The following PTPRT variants were observed in gnomAD, a reference collection of about 807,000 sequenced individuals.
PTPRT encodes protein tyrosine phosphatase receptor type T, also known as receptor-type tyrosine-protein phosphatase T.
PTPRT carries 56 observed loss-of-function variants against 176.8 expected under a neutral mutation model. That is an observed-to-expected ratio of 0.32 (90% CI 0.26 to 0.40). The LOEUF is 0.40. Ranked by LOEUF, PTPRT falls within the 10% of genes least tolerant of loss-of-function variation. The pLI is 1.00. For missense variants in PTPRT, 1,540 were observed against 1,908.2 expected, an observed-to-expected ratio of 0.81 and a Z score of 3.60; for synonymous variants, 783 against 739.0, an observed-to-expected ratio of 1.06 and a Z score of -0.96.
intron 9 of PTPRT, among the ~76,000 whole-genome samples, chr20:42,370,680 A>G (rs758787107): frequency 6.6e-6 from 1 of 152,200 alleles, no homozygotes; most frequent in Admixed American, 6.5e-5. Context: ...TAAAGCCCCT[A>G]TAACAGTGCC....
At chr20:42,304,667 T>C (rs2057517634) in intron 12 of PTPRT, among the ~76,000 whole-genome samples, 1 of 152,198 alleles carries the variant, frequency 6.6e-6, no homozygotes, top group Non-Finnish European at 1.5e-5. Flanking sequence ...ATAGCATTAA[T>C]GCCATTTTAT....
chr20:42,421,944 G>A (rs1409978381), intron 9 of PTPRT, among the ~76,000 whole-genome samples: 2 of 152,082 alleles, frequency 1.3e-5, no homozygotes, highest in Non-Finnish European at 2.9e-5. Context: ...CAAAAACCAA[G>A]CAATGTGAAA....
intron 22 of PTPRT, among the ~76,000 whole-genome samples, chr20:42,111,777 C>T (rs1987009815): frequency 6.6e-6 from 1 of 152,146 alleles, no homozygotes; most frequent in Non-Finnish European, 1.5e-5. Context: ...GTAAAGGGAC[C>T]ATGTGAACCC....
At chr20:42,937,723 A>C (rs1279576252) in intron 1 of PTPRT, among the ~76,000 whole-genome samples, 2 of 152,348 alleles carry the variant, frequency 1.3e-5, no homozygotes, top group East Asian at 3.9e-4. Context: ...TACTCTGTGA[A>C]TCACACTTGG....
rs544345106 is a variant in PTPRT, at chr20:42,517,966, G to A, written c.1154-45404C>T. On this transcript the variant is annotated intron_variant, in intron 7 of 30. Transcript: ENST00000373187. ...TGAACACTTTGAAATTGTTCAAATC[G>A]TCATCCTGATAGTATATATTCTCCT... Among the ~76,000 whole-genome samples the A allele has an allele frequency of 5.3e-5, 8 of 152,020 alleles. No individual in the cohort carries two copies. In the East Asian group the frequency reaches 5.8e-4, roughly 11 times the overall value.
intron 1 of PTPRT, among the ~76,000 whole-genome samples, chr20:42,944,713 C>T (rs1282340777): frequency 6.6e-6 from 1 of 152,188 alleles, no homozygotes; most frequent in Non-Finnish European, 1.5e-5. Context: ...GTTTACATAT[C>T]GTCTCCCCAG....
intron 11 of PTPRT, among the ~76,000 whole-genome samples, chr20:42,323,188 A>G (rs528898874): frequency 2.7e-4 from 41 of 152,350 alleles, no homozygotes; most frequent in African/African-American, 7.0e-4. Flanking sequence ...CAACCATTGT[A>G]GAAGTCACTG....
chr20:42,315,008 T>C (rs963428333), intron 12 of PTPRT, among the ~76,000 whole-genome samples: 50 of 152,270 alleles, frequency 3.3e-4, no homozygotes, highest in Non-Finnish European at 4.4e-5. Flanking sequence ...ACCTTTGATA[T>C]GCTTTCCAGC....
chr20:42,224,482 A>G (rs1480644808), intron 15 of PTPRT, among the ~76,000 whole-genome samples: 1 of 152,180 alleles, frequency 6.6e-6, no homozygotes, highest in Admixed American at 6.5e-5. Flanking sequence ...ATCATACTCA[A>G]ACTCATGTTT....
intron 2 of PTPRT, among the ~76,000 whole-genome samples, chr20:42,794,322 C>A (rs1353251146): frequency 6.6e-6 from 1 of 152,198 alleles, no homozygotes; most frequent in East Asian, 1.9e-4. Context: ...CCCACACCTC[C>A]ATACTAAATG....
At chr20:42,307,382 C>T (rs1179635260) in intron 12 of PTPRT, among the ~76,000 whole-genome samples, 1 of 152,176 alleles carries the variant, frequency 6.6e-6, no homozygotes, top group African/African-American at 2.4e-5. Context: ...AAATATATAG[C>T]AGAAGTGATC....
chr20:42,241,418 C>T (rs968630566), intron 14 of PTPRT, among the ~76,000 whole-genome samples: 7 of 152,082 alleles, frequency 4.6e-5, no homozygotes, highest in Non-Finnish European at 1.0e-4. Flanking sequence ...AGAGTTTAAG[C>T]AGCTTGGTCT....
intron 7 of PTPRT, among the ~76,000 whole-genome samples, chr20:42,533,247 T>C (rs2072417749): frequency 6.6e-6 from 1 of 152,044 alleles, no homozygotes; most frequent in Admixed American, 6.5e-5. Flanking sequence ...TTCTAGAAAA[T>C]CAAGCAGAGG....
At chr20:42,972,545 C>A (rs1982708893) in intron 1 of PTPRT, among the ~76,000 whole-genome samples, 1 of 151,514 alleles carries the variant, frequency 6.6e-6, no homozygotes, top group African/African-American at 2.4e-5. Flanking sequence ...ACCTGTAGAT[C>A]CCAGCTACTC....
At chr20:42,940,499 G>T (rs1458086113) in intron 1 of PTPRT, among the ~76,000 whole-genome samples, 1 of 152,188 alleles carries the variant, frequency 6.6e-6, no homozygotes, top group African/African-American at 2.4e-5. Context: ...AGACAGGATA[G>T]ATATGAAAAT....
At chr20:42,300,346 TACTC>T (rs760591207) in intron 12 of PTPRT, among the ~76,000 whole-genome samples, 66 of 151,260 alleles carry the variant, frequency 4.4e-4, no homozygotes, top group Admixed American at 2.0e-4. Flanking sequence ...GAATCAGTGG[TACTC>T]ACTAACAATG....
intron 7 of PTPRT, among the ~76,000 whole-genome samples, chr20:42,649,619 G>T (rs1173179347): frequency 2.0e-5 from 3 of 152,130 alleles, no homozygotes; most frequent in African/African-American, 7.2e-5. Flanking sequence ...CAGAGAAAAA[G>T]ATATGAATGC....
rs79323367 is a variant in PTPRT at position 42,115,106 on chromosome 20, G to A, written c.3099+93C>T. ...GCTGGTGCCAAGTATGGGGCTGGAC[G>A]TAGAGCAGACCCTCAGTTACCACAT... is the stretch of plus-strand genomic sequence containing the variant. On this transcript the variant is annotated intron_variant, in intron 22 of 30. Transcript: ENST00000373187. 1.8e-3 allele frequency: 1,644 copies of A among 906,070 alleles called. 15 individuals are homozygous for A. The African/African-American group carries it at 0.021, about 11-fold the overall frequency. The allele number at this position is 906,070 out of a possible 1,614,324, so 56.1% of individuals were successfully genotyped here. A position where few individuals can be genotyped will look rare whatever the true frequency, so the allele number is the denominator to read the frequency against.
intron 24 of PTPRT, among the ~76,000 whole-genome samples, chr20:42,105,887 C>G (rs1986389106): frequency 6.6e-6 from 1 of 152,216 alleles, no homozygotes; most frequent in African/African-American, 2.4e-5. Flanking sequence ...TCTGTCCCAG[C>G]TCTGGTCGCC....
Sources: gnomAD v4.1 joint callset for allele counts (sites outside exome capture counted in the v4.1 genomes callset) on GRCh38, gnomAD v4.1.1 for gene constraint, MANE v1.5 for transcripts, NCBI Gene and HGNC (gene_info 2026-07-23, HGNC 2026-07-21) for gene names.